The following SMS variants were observed in gnomAD, a reference collection of about 807,000 sequenced individuals.
SMS encodes spermine synthase.
SMS carries 3 observed loss-of-function variants against 33.0 expected under a neutral mutation model. The observed-to-expected ratio is 0.09, with a 90% CI of 0.04 to 0.23. The LOEUF is 0.23. Ranked by LOEUF, SMS falls within the 10% of genes least tolerant of loss-of-function variation. The pLI, the probability that SMS is intolerant of heterozygous loss-of-function variation, is 1.00. For synonymous variants in SMS, 103 were observed against 112.2 expected (o/e 0.92, Z 0.52); for missense variants, 117 against 288.6 (o/e 0.41, Z 4.31).
At chrX:21,970,366 G>A in intron 2 of SMS, among the ~76,000 whole-genome samples, 1 of 110,580 alleles carries the variant, frequency 9.0e-6, no homozygotes, top group Non-Finnish European at 1.9e-5. Context: ...CATTCTCTGT[G>A]TTCATGCTAG....
chrX:21,978,196 T>C (rs1352344087), intron 6 of SMS, 82 bp downstream of exon 6: 2 of 977,734 alleles, frequency 2.0e-6, no homozygotes, highest in African/African-American at 1.9e-5. Flanking sequence ...CAAATTAATG[T>C]TACCACAGAC....
chrX:21,988,662 CAAAAAAAAAAAAAAAAAAA>C (rs199561897), intron 9 of SMS, among the ~76,000 whole-genome samples: 1 of 66,150 alleles, frequency 1.5e-5, no homozygotes, highest in Admixed American at 2.2e-4. Context: ...GACTCTGTCT[CAAAAAAAAAAAAAAAAAAA>C]AAAAAAAAAA....
intron 7 of SMS, among the ~76,000 whole-genome samples, chrX:21,982,820 T>C (rs141319691): frequency 8.9e-6 from 1 of 112,331 alleles, no homozygotes; most frequent in African/African-American, 3.2e-5. Context: ...GGAAAAAATA[T>C]GAGCATATCA....
At chrX:21,942,460 G>A (rs1348643209) in intron 1 of SMS, among the ~76,000 whole-genome samples, 1 of 111,912 alleles carries the variant, frequency 8.9e-6, no homozygotes, top group East Asian at 2.8e-4. Flanking sequence ...CTCTTAAGGG[G>A]GTAGCTGTGG....
intron 1 of SMS, among the ~76,000 whole-genome samples, chrX:21,952,697 G>A (rs1289607025): frequency 9.1e-6 from 1 of 109,616 alleles, no homozygotes; most frequent in East Asian, 2.9e-4. Flanking sequence ...TTAAATGTTT[G>A]GTAGAACTCT....
intron 1 of SMS, chrX:21,941,346 C>A: frequency 8.1e-6 from 2 of 246,718 alleles, no homozygotes; most frequent in Middle Eastern, 5.4e-4. Flanking sequence ...CCCGCGCGAC[C>A]TTTTCCTGTT....
rs186663619 is a variant in SMS, at chrX:21,989,798, A to G, written c.946-2799A>G. ...CACTCTGTGGCCCAGGCTAGAGTAC[A>G]GTGGCTTGATCACTGCTCACTGCAA... is the stretch of plus-strand genomic sequence containing the variant. On this transcript the variant is annotated intron_variant, in intron 9 of 10. Coordinates refer to ENST00000404933, the MANE Select transcript of SMS (RefSeq NM_004595.5). 1.2e-4 allele frequency among the ~76,000 whole-genome samples: 13 copies of G among 111,446 alleles called. No individual in the cohort carries two copies. The East Asian group carries it at 3.1e-3, about 26-fold the overall frequency.
rs377357303 is a variant in SMS, at chrX:21,992,808, C to G, written c.1061+96C>G. The G allele has an allele frequency of 5.7e-3, 2,898 of 509,681 alleles. 76 individuals carry two copies. The South Asian group carries it at 0.078, about 14-fold the overall frequency. The allele number at this position is 509,681 out of a possible 1,213,427, so 42.0% of individuals were successfully genotyped here. ...TTAAATCACAATAATAAACAATTAG[C>G]TTAGCCATAGAGTATATAAAGCCCT... On this transcript the variant is annotated intron_variant, in intron 10 of 10. Coordinates refer to ENST00000404933, the MANE Select transcript of SMS (RefSeq NM_004595.5).
At chrX:21,957,463 G>A (rs988548112) in intron 1 of SMS, among the ~76,000 whole-genome samples, 1 of 110,577 alleles carries the variant, frequency 9.0e-6, no homozygotes, top group Non-Finnish European at 1.9e-5. Context: ...CACCCGGCTA[G>A]TTTTTTTGTG....
chrX:21,974,223 G>T (rs979927530), intron 4 of SMS, among the ~76,000 whole-genome samples: 2 of 112,523 alleles, frequency 1.8e-5, no homozygotes, highest in Non-Finnish European at 3.8e-5. Flanking sequence ...CAGCCCACAA[G>T]AAAGCTCCAG....
chrX:21,979,497 T>C (rs1477025481), intron 7 of SMS, among the ~76,000 whole-genome samples: 1 of 110,650 alleles, frequency 9.0e-6, no homozygotes, highest in African/African-American at 3.3e-5. Flanking sequence ...AATGATGGTT[T>C]CCAGCTTCAT....
Position 21,967,327 on chromosome X carries a change from T to C in SMS, c.170+11T>C. On this transcript the variant is annotated intron_variant, in intron 2 of 10. Transcript: ENST00000404933. ...AAACAAGAACGGCAGGTGAGCAGTC[T>C]CCAGTGCTGTTCTTCATACCTGGTC... 8.3e-7 allele frequency: 1 copy of C among 1,207,970 alleles called. No homozygotes were observed. Among genetic ancestry groups the C allele is most frequent in the East Asian group, 3.0e-5 (1 of 33,655 alleles).
intron 7 of SMS, among the ~76,000 whole-genome samples, chrX:21,981,123 A>G (rs955281474): frequency 1.8e-5 from 2 of 111,041 alleles, no homozygotes; most frequent in Non-Finnish European, 3.8e-5. Context: ...GAGTTGGAGA[A>G]CAGCCTGGTC....
chrX:21,952,274 G>C (rs1371870529), intron 1 of SMS, among the ~76,000 whole-genome samples: 1 of 111,743 alleles, frequency 8.9e-6, no homozygotes, highest in African/African-American at 3.3e-5. Flanking sequence ...CCTTTATCAA[G>C]TTGAGAAAGC....
At chrX:21,952,960 C>T (rs1922719741) in intron 1 of SMS, among the ~76,000 whole-genome samples, 1 of 106,980 alleles carries the variant, frequency 9.3e-6, no homozygotes, top group Non-Finnish European at 1.9e-5. Context: ...ACAGGGCTTC[C>T]TCATGTTGCC....
chrX:21,987,798 C>T (rs532455943), intron 9 of SMS, among the ~76,000 whole-genome samples: 1 of 112,408 alleles, frequency 8.9e-6, no homozygotes, highest in East Asian at 2.8e-4. Flanking sequence ...AGAAGACAGC[C>T]ACACTAAGTC....
intron 7 of SMS, among the ~76,000 whole-genome samples, chrX:21,982,143 C>G (rs1924993283): frequency 9.2e-6 from 1 of 108,581 alleles, no homozygotes; most frequent in African/African-American, 3.4e-5. Context: ...ACCATCCTGG[C>G]TAACATAGTG....
chrX:21,976,703 C>T (rs1924553993), intron 4 of SMS, among the ~76,000 whole-genome samples: 1 of 111,686 alleles, frequency 9.0e-6, no homozygotes, highest in African/African-American at 3.3e-5. Flanking sequence ...CCATATCATA[C>T]CCATGTGAAC....
intron 9 of SMS, among the ~76,000 whole-genome samples, chrX:21,988,393 C>A (rs551635405): frequency 9.0e-6 from 1 of 110,681 alleles, no homozygotes; most frequent in African/African-American, 3.3e-5. Context: ...TGGCCGGGTG[C>A]GGTGGCTCAC....
Sources: allele counts gnomAD v4.1 joint callset (sites outside exome capture counted in the v4.1 genomes callset), GRCh38; gene constraint gnomAD v4.1.1; transcripts MANE v1.5; gene names NCBI Gene and HGNC (gene_info 2026-07-23, HGNC 2026-07-21).